The following CENPI variants were observed in gnomAD, a reference collection of about 807,000 sequenced individuals.
The protein encoded by CENPI is centromere protein I, also known as FSH primary response 1.
CENPI carries 4 observed loss-of-function variants against 60.4 expected under a neutral mutation model. The observed-to-expected ratio is 0.07, with a 90% CI of 0.03 to 0.15. The LOEUF is 0.15. CENPI is among the 10% of genes least tolerant of loss of function. The probability of loss-of-function intolerance (pLI) is 1.00; values close to 1 mark genes in which losing one functional copy is unlikely to be tolerated. For missense variants in CENPI, 444 were observed against 534.5 expected, an observed-to-expected ratio of 0.83 and a Z score of 1.67; for synonymous variants, 157 against 189.4, an observed-to-expected ratio of 0.83 and a Z score of 1.40.
At chrX:101,144,134 C>T (rs2089941986) in intron 16 of CENPI, among the ~76,000 whole-genome samples, 2 of 89,726 alleles carry the variant, frequency 2.2e-5, no homozygotes, top group East Asian at 3.3e-4. Flanking sequence ...GTTGCTCAGG[C>T]TGGAGTGCAA....
chrX:101,130,178 T>C (rs2089781186), intron 13 of CENPI, 105 bp downstream of exon 13: 2 of 539,974 alleles, frequency 3.7e-6, no homozygotes, highest in South Asian at 6.4e-5. Context: ...CTCACACCTG[T>C]AATCTCAGCA....
chrX:101,125,083 T>C (rs1381883001), intron 8 of CENPI, among the ~76,000 whole-genome samples: 3 of 111,413 alleles, frequency 2.7e-5, no homozygotes, highest in African/African-American at 6.5e-5. Context: ...GTGAAGGAAT[T>C]TGGGGTTCTA....
At chrX:101,129,773 T>C (rs1338193936) in intron 12 of CENPI, among the ~76,000 whole-genome samples, 2 of 112,146 alleles carry the variant, frequency 1.8e-5, no homozygotes, top group Admixed American at 9.5e-5. Flanking sequence ...ATATTTACAC[T>C]ATAAGCTTTT....
chrX:101,136,500 G>A (rs1371423138), intron 15 of CENPI, among the ~76,000 whole-genome samples: 1 of 112,390 alleles, frequency 8.9e-6, no homozygotes, highest in Non-Finnish European at 1.9e-5. Flanking sequence ...GAGGCCTGTA[G>A]TAACTAGTTA....
intron 4 of CENPI, among the ~76,000 whole-genome samples, chrX:101,107,858 A>G (rs1243043106): frequency 1.2e-5 from 1 of 80,204 alleles, no homozygotes; most frequent in African/African-American, 5.1e-5. Flanking sequence ...TTTTTTTGAG[A>G]CGGAGTTTTG....
rs2090137217 is a variant in CENPI at position 101,164,795 on chromosome X, A to G, written c.*1828A>G. 8.9e-6 allele frequency among the ~76,000 whole-genome samples: 1 copy of G among 112,555 alleles called. No homozygotes were observed. The highest frequency in any genetic ancestry group is 1.9e-5 in the Non-Finnish European group (1 of 53,358). On this transcript the variant is annotated 3_prime_UTR_variant, in exon 22 of 22. Coordinates refer to ENST00000682095, the MANE Select transcript of CENPI (RefSeq NM_001386188.2). ...GATTATCATATGGCTTTTGTCCTTC[A>G]TTCTGTTAACATGATATATCACATT...
chrX:101,105,536 A>G (rs1399717956), intron 4 of CENPI, among the ~76,000 whole-genome samples: 1 of 111,674 alleles, frequency 9.0e-6, no homozygotes, highest in African/African-American at 3.2e-5. Context: ...AAAACAAAAC[A>G]AAAAAACAAC....
chrX:101,116,849 T>C (rs1206504706), intron 6 of CENPI, among the ~76,000 whole-genome samples: 1 of 111,942 alleles, frequency 8.9e-6, no homozygotes, highest in Non-Finnish European at 1.9e-5. Flanking sequence ...CAATACTGGC[T>C]ATTTTATCTG....
chrX:101,118,649 ATGATTAAAATATATGAGTTTT>A (rs1006196268), intron 6 of CENPI, among the ~76,000 whole-genome samples: 1 of 111,966 alleles, frequency 8.9e-6, no homozygotes, highest in African/African-American at 3.2e-5. Flanking sequence ...CAATTGTAAA[ATGATTAAAATATATGAGTTTT>A]TCCTTTCTAG....
At position 101,164,325 on chromosome X, in the gene CENPI, G is replaced by GGTTTTT. The variant is rs773339806; in HGVS notation, c.*1377_*1382dup. Among the ~76,000 whole-genome samples, 1 of 110,635 alleles carries GGTTTTT rather than the reference G, an allele frequency of 9.0e-6. No individual in the cohort carries two copies. Among genetic ancestry groups the GGTTTTT allele is most frequent in the Non-Finnish European group, 1.9e-5 (1 of 52,887 alleles). On this transcript the variant is annotated 3_prime_UTR_variant, in exon 22 of 22. Transcript: ENST00000682095. ...AGTTGTGACCAATACAAAGTACCCGGGTTTTTGTTTTTGTTTTTGTTTTTT... is the reference window on the plus strand; with the variant it reads ...AGTTGTGACCAATACAAAGTACCCGGGTTTTTGTTTTTGTTTTTGTTTTTGTTTTTT...
Position 101,147,930 on chromosome X carries a change from T to C in CENPI, c.1876-13T>C. ...TAGGTGATAGTGACAATTTTTTATTTCTTTCCCATTAGACAAAATCAGAGT... is the reference window on the plus strand; with the variant it reads ...TAGGTGATAGTGACAATTTTTTATTCCTTTCCCATTAGACAAAATCAGAGT... On this transcript the variant is annotated splice_polypyrimidine_tract_variant and intron_variant, in intron 19 of 21. Coordinates refer to ENST00000682095, the MANE Select transcript of CENPI (RefSeq NM_001386188.2). The C allele has an allele frequency of 8.3e-7, 1 of 1,197,692 alleles. No individual in the cohort carries two copies. Among genetic ancestry groups the C allele is most frequent in the Non-Finnish European group, 1.1e-6 (1 of 883,231 alleles).
intron 11 of CENPI, among the ~76,000 whole-genome samples, chrX:101,127,903 A>T (rs2089753100): frequency 9.0e-6 from 1 of 111,421 alleles, no homozygotes. Context: ...AATTTTTAAA[A>T]CAATTTATAT....
At chrX:101,127,756 A>G in intron 11 of CENPI, 91 bp downstream of exon 11, 1 of 741,314 alleles carries the variant, frequency 1.3e-6, no homozygotes, top group Non-Finnish European at 2.0e-6. Flanking sequence ...TGTTTTTTTG[A>G]GATAGGGTCT....
At chrX:101,115,452 C>T (rs1193624325) in intron 6 of CENPI, among the ~76,000 whole-genome samples, 5 of 110,395 alleles carry the variant, frequency 4.5e-5, no homozygotes, top group East Asian at 2.8e-4. Flanking sequence ...AAATTTATTT[C>T]GCATATCATA....
rs1215121659 is a variant in CENPI at position 101,127,678 on chromosome X, A to G, written c.1074+13A>G. The stretch of plus-strand genomic sequence containing the variant: ...CCATTGCTTAGAGGTATGTGACTGG[A>G]CCATGTGCTTCTTTGCATTTTCTAT... On this transcript the variant is annotated intron_variant, in intron 11 of 21. Coordinates refer to ENST00000682095, the MANE Select transcript of CENPI (RefSeq NM_001386188.2). 1.8e-6 allele frequency: 2 copies of G among 1,094,771 alleles called. No individual in the cohort carries two copies. The highest frequency in any genetic ancestry group is 4.6e-5 in the South Asian group (2 of 43,301). The allele number at this position is 1,094,771 out of a possible 1,213,427, so 90.2% of individuals were successfully genotyped here.
intron 12 of CENPI, 39 bp from the exon 13 acceptor site, chrX:101,129,943 G>A: frequency 1.1e-6 from 1 of 927,192 alleles, no homozygotes; most frequent in Admixed American, 2.4e-5. Context: ...TTTTTATTGT[G>A]GTACAACTAG....
At chrX:101,128,281 C>T (rs1161886560) in intron 11 of CENPI, among the ~76,000 whole-genome samples, 2 of 109,689 alleles carry the variant, frequency 1.8e-5, no homozygotes, top group Admixed American at 1.9e-4. Flanking sequence ...TGCAGTGAGC[C>T]GAGATCGCGC....
intron 8 of CENPI, among the ~76,000 whole-genome samples, chrX:101,122,704 C>T (rs1224218609): frequency 2.7e-5 from 3 of 110,252 alleles, no homozygotes; most frequent in Non-Finnish European, 5.7e-5. Flanking sequence ...GGTGAAACCC[C>T]GTCTCTACTA....
intron 15 of CENPI, among the ~76,000 whole-genome samples, chrX:101,138,247 C>T (rs1219410893): frequency 4.6e-5 from 5 of 107,859 alleles, no homozygotes; most frequent in East Asian, 3.0e-4. Context: ...CTCGGCCTCC[C>T]GAAGTTCTGG....
Sources: gnomAD v4.1 joint callset for allele counts (sites outside exome capture counted in the v4.1 genomes callset) on GRCh38, gnomAD v4.1.1 for gene constraint, MANE v1.5 for transcripts, NCBI Gene and HGNC (gene_info 2026-07-23, HGNC 2026-07-21) for gene names.